Variants in SEM1 observed in about 807,000 individuals in gnomAD.
SEM1 encodes the protein SEM1 26S proteasome subunit, also known as 26S proteasome complex subunit SEM1.
In SEM1, 3 loss-of-function variants were observed where a neutral mutation model predicts 12.7. That is an observed-to-expected ratio of 0.24 (90% CI 0.11 to 0.61). The LOEUF (loss-of-function observed/expected upper bound fraction) is 0.61, where lower values mean the gene tolerates loss of function less well. SEM1 is among the 20% of genes least tolerant of loss of function. The probability of loss-of-function intolerance (pLI) is 0.88; values close to 1 mark genes in which losing one functional copy is unlikely to be tolerated. For synonymous variants in SEM1, 30 were observed against 27.8 expected (o/e 1.08, Z -0.25); for missense variants, 59 against 81.3 (o/e 0.73, Z 1.06).
intron 2 of SEM1, among the ~76,000 whole-genome samples, chr7:96,537,213 C>G (rs1234922764): frequency 6.6e-6 from 1 of 151,586 alleles, no homozygotes; most frequent in Non-Finnish European, 1.5e-5. Context: ...CTCTATGGCC[C>G]CTTGTGACAT....
chr7:96,517,178 G>A (rs73241541), intron 2 of SEM1, among the ~76,000 whole-genome samples: 4,345 of 152,214 alleles, frequency 0.029, 84 homozygotes, highest in Non-Finnish European at 0.045. Context: ...GTCCTAATGT[G>A]TAGAATGTAC....
intron 2 of SEM1, among the ~76,000 whole-genome samples, chr7:96,529,768 T>G (rs892116431): frequency 6.6e-6 from 1 of 152,122 alleles, no homozygotes; most frequent in Non-Finnish European, 1.5e-5. Context: ...GAGATACAAA[T>G]AAAATGTTTT....
At chr7:96,484,100 C>G in intron 3 of SEM1, 1 of 1,021,038 alleles carries the variant, frequency 9.8e-7, no homozygotes, top group East Asian at 2.7e-5. Context: ...CAATCATCCC[C>G]ATTTTAGAGA....
chr7:96,692,574 T>C (rs995479453), intron 2 of SEM1, among the ~76,000 whole-genome samples: 3 of 151,976 alleles, frequency 2.0e-5, no homozygotes, highest in Non-Finnish European at 4.4e-5. Context: ...AAGACAGATA[T>C]AAAAAGAAAG....
chr7:96,659,912 G>GAA (rs1788934068), intron 2 of SEM1, among the ~76,000 whole-genome samples: 1 of 59,002 alleles, frequency 1.7e-5, no homozygotes, highest in African/African-American at 9.2e-5. Flanking sequence ...AAGTAAGATG[G>GAA]CAAAAAAAAA....
chr7:96,681,935 G>A (rs1323574198), intron 2 of SEM1, among the ~76,000 whole-genome samples: 1 of 152,138 alleles, frequency 6.6e-6, no homozygotes, highest in Admixed American at 6.6e-5. Flanking sequence ...GTCAATGGTA[G>A]TTTGATGGGA....
intron 1 of SEM1, among the ~76,000 whole-genome samples, chr7:96,708,422 T>C (rs1406122413): frequency 6.6e-6 from 1 of 152,246 alleles, no homozygotes; most frequent in Non-Finnish European, 1.5e-5. Flanking sequence ...TGTGGTTTTA[T>C]GCACAATAGG....
chr7:96,496,074 AT>A (rs1208831414), intron 1 of SEM1, among the ~76,000 whole-genome samples: 2 of 152,148 alleles, frequency 1.3e-5, no homozygotes, highest in Non-Finnish European at 1.5e-5. Context: ...ATCTGAGATC[AT>A]TCTTGTTTGG....
chr7:96,694,108 G>T (rs1052785167), intron 2 of SEM1, among the ~76,000 whole-genome samples: 1 of 151,886 alleles, frequency 6.6e-6, no homozygotes. Context: ...TCACAATATT[G>T]TATGATTTCA....
intron 1 of SEM1, chr7:96,696,992 A>ATATC (rs1790117170): frequency 6.6e-6 from 1 of 151,966 alleles, no homozygotes; most frequent in African/African-American, 2.4e-5. Flanking sequence ...TAACCAAACA[A>ATATC]TGATACCCAT....
At chr7:96,607,505 G>T (rs1193057333) in intron 2 of SEM1, among the ~76,000 whole-genome samples, 1 of 152,184 alleles carries the variant, frequency 6.6e-6, no homozygotes, top group African/African-American at 2.4e-5. Flanking sequence ...CAAACATTTT[G>T]TGGAGTATCT....
At chr7:96,652,600 A>T (rs532655877) in intron 2 of SEM1, among the ~76,000 whole-genome samples, 1 of 152,178 alleles carries the variant, frequency 6.6e-6, no homozygotes, top group East Asian at 1.9e-4. Context: ...TGAAACTTTG[A>T]AGGCATAATA....
intron 2 of SEM1, among the ~76,000 whole-genome samples, chr7:96,588,048 A>G (rs1806697812): frequency 6.6e-6 from 1 of 152,132 alleles, no homozygotes; most frequent in African/African-American, 2.4e-5. Flanking sequence ...AGTAGTTTTC[A>G]TTGCCTTACA....
At chr7:96,520,055 A>G (rs1323045964) in intron 2 of SEM1, among the ~76,000 whole-genome samples, 2 of 152,154 alleles carry the variant, frequency 1.3e-5, no homozygotes, top group Non-Finnish European at 2.9e-5. Context: ...ATGGATTGCA[A>G]GAAGGGAAGC....
At chr7:96,650,764 T>C (rs553460897) in intron 2 of SEM1, among the ~76,000 whole-genome samples, 202 of 152,190 alleles carry the variant, frequency 1.3e-3, no homozygotes, top group African/African-American at 4.7e-3. Flanking sequence ...TTACAAAATA[T>C]ATAAATTTCT....
chr7:96,586,263 T>C (rs1024709347), intron 2 of SEM1, among the ~76,000 whole-genome samples: 5 of 152,202 alleles, frequency 3.3e-5, no homozygotes, highest in African/African-American at 1.2e-4. Context: ...TTTTCCTTCT[T>C]TCCTACAGAA....
At chr7:96,619,608 T>C (rs1176122580), downstream of SEM1, among the ~76,000 whole-genome samples, 5 of 151,970 alleles carry the variant, frequency 3.3e-5, no homozygotes, top group African/African-American at 1.2e-4. Flanking sequence ...GTGGGAGCAG[T>C]GGGCCAGTTA....
chr7:96,549,278 C>T (rs532048931), intron 2 of SEM1, among the ~76,000 whole-genome samples: 4 of 152,294 alleles, frequency 2.6e-5, no homozygotes, highest in East Asian at 3.9e-4. Context: ...CCTCAGTCCC[C>T]GGCAAACTGA....
chr7:96,668,314 G>T (rs930012406), intron 2 of SEM1, among the ~76,000 whole-genome samples: 8 of 151,998 alleles, frequency 5.3e-5, no homozygotes, highest in African/African-American at 1.9e-4. Context: ...TATTACTGTT[G>T]CCACATAATG....
Sources: gnomAD v4.1 joint callset for allele counts (sites outside exome capture counted in the v4.1 genomes callset) on GRCh38, gnomAD v4.1.1 for gene constraint, MANE v1.5 for transcripts, NCBI Gene and HGNC (gene_info 2026-07-23, HGNC 2026-07-21) for gene names.